Variants in KRT38 observed in about 807,000 individuals in gnomAD.
KRT38 encodes the protein keratin 38.
KRT38 carries 45 observed loss-of-function variants against 43.1 expected under a neutral mutation model. The ratio of observed to expected loss-of-function variants is 1.04; its 90% confidence interval spans 0.82 to 1.34. The LOEUF (loss-of-function observed/expected upper bound fraction) is 1.34, where lower values mean the gene tolerates loss of function less well. KRT38 is among the 40% of genes most tolerant of loss of function. The pLI, the probability that KRT38 is intolerant of heterozygous loss-of-function variation, is 0.00. For missense variants in KRT38, 627 were observed against 586.2 expected, an observed-to-expected ratio of 1.07 and a Z score of -0.72; for synonymous variants, 258 against 244.0, an observed-to-expected ratio of 1.06 and a Z score of -0.53.
rs1351011888 is a variant in KRT38 at position 41,436,774 on chromosome 17, G to A, written c.*638C>T. 2.0e-5 allele frequency: 3 copies of A among 152,222 alleles called. No individual in the cohort carries two copies. Among genetic ancestry groups the A allele is most frequent in the Non-Finnish European group, 4.4e-5 (3 of 68,038 alleles). The allele number at this position is 152,222 out of a possible 1,614,324, so 9.4% of individuals were successfully genotyped here. A position where few individuals can be genotyped will look rare whatever the true frequency, so the allele number is the denominator to read the frequency against. ...AAGAAGCTATGGAAGCCATATGTAA[G>A]AGGCTGTGTTGCCACAGAAAAGGCA... On this transcript the variant is annotated 3_prime_UTR_variant, in exon 7 of 7. Transcript: ENST00000246646.
Position 41,439,310 on chromosome 17 carries a change from C to A in KRT38, c.625G>T (p.Gly209Trp). 6.2e-7 allele frequency: 1 copy of A among 1,614,212 alleles called. No homozygotes were observed. Among genetic ancestry groups the A allele is most frequent in the Non-Finnish European group, 8.5e-7 (1 of 1,180,048 alleles). Residue 209 changes from glycine to tryptophan, a missense_variant, in exon 3 of 7, where the codon GGG becomes TGG. Gly to Trp is a radical substitution (Grantham distance 184). Coordinates refer to ENST00000246646, the MANE Select transcript of KRT38 (RefSeq NM_006771.4). Reference protein sequence around the residue: ...LRQLVEADKCGTQKLLDDATL... With the variant: ...LRQLVEADKCWTQKLLDDATL... Reference sequence around the variant, plus strand: ...GCATCATCCAGGAGCTTCTGTGTCCCACACTTGTCTGCCTCCACCAGCTGG... The same window carrying A: ...GCATCATCCAGGAGCTTCTGTGTCCAACACTTGTCTGCCTCCACCAGCTGG...
Position 41,440,618 on chromosome 17 carries a change from CA to C in KRT38, c.303del (p.Asn101LysfsTer11). ...AACTGCATGGTCTCCTTCTCATGGC[CA>C]TTCAGGGTGTTTTCACCATAGGCCC... ...ICGAYGENTL[N>X]GHEKETMQFL... On this transcript the variant is annotated frameshift_variant, in exon 1 of 7. Transcript: ENST00000246646. LOFTEE classifies it high-confidence loss of function. 1 of 1,614,188 alleles carries C rather than the reference CA, an allele frequency of 6.2e-7. No individual in the cohort carries two copies. The highest frequency in any genetic ancestry group is 1.1e-5 in the South Asian group (1 of 91,084).
chr17:41,440,937 C>T lies in KRT38; in HGVS notation c.-16G>A, dbSNP rs2018795264. 2 of 1,517,852 alleles carry T rather than the reference C, an allele frequency of 1.3e-6. No homozygotes were observed. Among genetic ancestry groups the T allele is most frequent in the Admixed American group, 4.5e-5 (2 of 44,684 alleles). 94.0% of individuals were successfully genotyped at this position (1,517,852 alleles called of 1,614,324 possible). On this transcript the variant is annotated 5_prime_UTR_variant, in exon 1 of 7. Coordinates refer to ENST00000246646, the MANE Select transcript of KRT38 (RefSeq NM_006771.4). ...AAGAGGTCATGGTGTTGGGCTGAGG[C>T]TGCACAGGAGCTTCAGATCAGCTGG...
At chr17:41,439,705 G>A (rs2018773947) in intron 2 of KRT38, among the ~76,000 whole-genome samples, 1 of 152,130 alleles carries the variant, frequency 6.6e-6, no homozygotes, top group African/African-American at 2.4e-5. Flanking sequence ...CAATAACCAG[G>A]TGCCTGATCG....
Position 41,437,556 on chromosome 17 carries a change from G to T in KRT38, c.1242-15C>A, listed in dbSNP as rs1301324229. The stretch of plus-strand genomic sequence containing the variant: ...TGCAGGGGAGTCTGCAGAGAGACAA[G>T]GTGAGGGAAGTGAGAGGCAAGAAAT... On this transcript the variant is annotated splice_polypyrimidine_tract_variant and intron_variant, in intron 6 of 6. Coordinates refer to ENST00000246646, the MANE Select transcript of KRT38 (RefSeq NM_006771.4). 37 of 1,554,794 alleles carry T rather than the reference G, an allele frequency of 2.4e-5. No individual in the cohort carries two copies. The highest frequency in any genetic ancestry group is 3.1e-5 in the Non-Finnish European group (36 of 1,159,462).
In KRT38 at chr17:41,440,235, G is replaced by A. The variant is rs1597733339; in HGVS notation, c.501C>T (p.Cys167=). 3.1e-6 allele frequency: 5 copies of A among 1,614,178 alleles called. No individual in the cohort carries two copies. The highest frequency in any genetic ancestry group is 2.2e-5 in the East Asian group (1 of 44,884). The part of the protein sequence containing the change: ...TIEELQQKIL[C]SKAENARLIV... Reference sequence around the variant, plus strand: ...TCAGCCTGGCATTCTCGGCCTTGCTGCACAGGATCTGAGGAGAACAGGAAG... The same window carrying A: ...TCAGCCTGGCATTCTCGGCCTTGCTACACAGGATCTGAGGAGAACAGGAAG... The change falls in exon 2 of 7, where the codon TGC becomes TGT. Residue 167 remains cysteine, a synonymous_variant. Coordinates refer to ENST00000246646, the MANE Select transcript of KRT38 (RefSeq NM_006771.4).
intron 2 of KRT38, 132 bp downstream of exon 2, chr17:41,440,029 T>C (rs1166123123): frequency 9.5e-6 from 7 of 738,422 alleles, no homozygotes; most frequent in East Asian, 2.7e-5. Context: ...TCAGCTTCGA[T>C]TGTAATGAAA....
rs143250758 is a variant in KRT38 at position 41,438,594 on chromosome 17, T to G, written c.917A>C (p.Asp306Ala). 8.7e-4 allele frequency: 1,412 copies of G among 1,614,048 alleles called. 3 individuals are homozygous for G. Among genetic ancestry groups the G allele is most frequent in the South Asian group, 1.8e-3 (163 of 91,070 alleles). The stretch of plus-strand genomic sequence containing the variant: ...CTGCAGCTCCTCGGAGCAGGACATG[T>G]CCTGCAGGCTGATGCCTTCAGACTG... ...QAQSEGISLQ[D>A]MSCSEELQCC... The change falls in exon 5 of 7, where the codon GAC (aspartate) becomes GCC (alanine). Residue 306 changes from aspartate (D) to alanine (A), a missense_variant. Physicochemically the swap from Asp to Ala is moderately radical, Grantham distance 126 (BLOSUM62 -2). Coordinates refer to ENST00000246646, the MANE Select transcript of KRT38 (RefSeq NM_006771.4).
At chr17:41,440,374 C>T in intron 1 of KRT38, 56 bp downstream of exon 1, 1 of 1,600,032 alleles carries the variant, frequency 6.2e-7, no homozygotes, top group Non-Finnish European at 8.5e-7. Context: ...ATGGATTCCT[C>T]CTGTCTTGCC....
At position 41,440,553 on chromosome 17, in the gene KRT38, G is replaced by C; in HGVS notation, c.369C>G (p.Arg123=). 1 of 1,614,242 alleles carries C rather than the reference G, an allele frequency of 6.2e-7. No homozygotes were observed. Among genetic ancestry groups the C allele is most frequent in the East Asian group, 2.2e-5 (1 of 44,882 alleles). The change falls in exon 1 of 7, where the codon CGC becomes CGG. Residue 123 remains arginine (R), a synonymous_variant. Coordinates refer to ENST00000246646, the MANE Select transcript of KRT38 (RefSeq NM_006771.4). The part of the protein sequence containing the change: ...DRLANYLEKV[R]QLEQENAELE... ...GCTCCGCATTCTCCTGCTCCAGCTG[G>C]CGCACCTTCTCCAGGTAGTTGGCCA...
At position 41,438,690 on chromosome 17, in the gene KRT38, C is replaced by A. The variant is rs559745940; in HGVS notation, c.894+7G>T. ...GTACCCCCTGGTTCTATACCCCCCC[C>A]ACTCACCTGGGCTTGGAACCACTGT... On this transcript the variant is annotated splice_region_variant and intron_variant, in intron 4 of 6. Transcript: ENST00000246646. 292 of 1,599,352 alleles carry A rather than the reference C, an allele frequency of 1.8e-4. 5 individuals are homozygous for A. In the South Asian group the frequency reaches 2.7e-3, roughly 15 times the overall value.
At chr17:41,438,883 C>G (rs1277374185) in intron 3 of KRT38, 25 bp from the exon 4 acceptor site, 26 of 1,611,898 alleles carry the variant, frequency 1.6e-5, no homozygotes, top group Non-Finnish European at 2.2e-5. Context: ...AAGGGACAGA[C>G]AGCCTGCATG....
rs141243647 is a variant in KRT38 at position 41,438,264 on chromosome 17, G to C, written c.1070C>G (p.Thr357Arg). The C allele has an allele frequency of 5.0e-6, 8 of 1,614,120 alleles. No individual in the cohort carries two copies. In the South Asian group the frequency reaches 8.8e-5, roughly 18 times the overall value. The change falls in exon 6 of 7, where the codon ACG (threonine) becomes AGG (arginine). Residue 357 changes from threonine (T) to arginine (R), a missense_variant. Coordinates refer to ENST00000246646, the MANE Select transcript of KRT38 (RefSeq NM_006771.4). ...SLCEAEDRFGTELAQMQSLIS... is the reference protein window; with the variant it reads ...SLCEAEDRFGRELAQMQSLIS... The stretch of plus-strand genomic sequence containing the variant: ...GAGGCTCTGCATCTGGGCCAGCTCC[G>C]TGCCGAAGCGGTCCTCGGCTTCACA...
rs760012734 is a variant in KRT38, at chr17:41,438,534, G to A, written c.977C>T (p.Thr326Met). Residue 326 changes from threonine to methionine, a missense_variant, in exon 5 of 7, where the codon ACG becomes ATG. Physicochemically the swap from Thr to Met is moderately conservative, Grantham distance 81. Coordinates refer to ENST00000246646, the MANE Select transcript of KRT38 (RefSeq NM_006771.4). The stretch of plus-strand genomic sequence containing the variant: ...GCGCTCCACCTCCAGGGCATTCACC[G>A]TGCATCTCAGCTCCAGGATCTCCGA... Reference protein sequence around the residue: ...CQSEILELRCTVNALEVERQA... With the variant: ...CQSEILELRCMVNALEVERQA... 70 of 1,614,158 alleles carry A rather than the reference G, an allele frequency of 4.3e-5. 1 individual carries two copies. In the Admixed American group the frequency reaches 5.3e-4, roughly 12 times the overall value.
Position 41,437,105 on chromosome 17 carries a change from A to G in KRT38, c.*307T>C. 3.7e-6 allele frequency: 1 copy of G among 272,964 alleles called. No homozygotes were observed. The highest frequency in any genetic ancestry group is 6.8e-6 in the Non-Finnish European group (1 of 146,746). The allele number at this position is 272,964 out of a possible 1,614,324, so 16.9% of individuals were successfully genotyped here. A position where few individuals can be genotyped will look rare whatever the true frequency, so the allele number is the denominator to read the frequency against. ...TTAAAGTTGGTGTTCTTGAAGTGCA[A>G]GTGCAATTTTAAATCATGCCGTGTT... On this transcript the variant is annotated 3_prime_UTR_variant, in exon 7 of 7. Coordinates refer to ENST00000246646, the MANE Select transcript of KRT38 (RefSeq NM_006771.4).
In KRT38 at chr17:41,440,880, G is replaced by C. The variant is rs1243837565; in HGVS notation, c.42C>G (p.Cys14Trp). The change falls in exon 1 of 7, where the codon TGC (cysteine) becomes TGG (tryptophan). Residue 14 changes from cysteine to tryptophan, a missense_variant. Coordinates refer to ENST00000246646, the MANE Select transcript of KRT38 (RefSeq NM_006771.4). ...CATTTCTTGCTCCAGGAGCCATGGTGCAACCCAGAGGGCATGAGGAGCTGC... is the reference window on the plus strand; with the variant it reads ...CATTTCTTGCTCCAGGAGCCATGGTCCAACCCAGAGGGCATGAGGAGCTGC... ...SYSSSSCPLG[C>W]TMAPGARNVS... 6.4e-7 allele frequency: 1 copy of C among 1,570,376 alleles called. No individual in the cohort carries two copies. Among genetic ancestry groups the C allele is most frequent in the Non-Finnish European group, 8.6e-7 (1 of 1,159,006 alleles).
At position 41,438,183 on chromosome 17, in the gene KRT38, T is replaced by G; in HGVS notation, c.1151A>C (p.Asn384Thr). 1 of 1,614,126 alleles carries G rather than the reference T, an allele frequency of 6.2e-7. No homozygotes were observed. The highest frequency in any genetic ancestry group is 1.1e-5 in the South Asian group (1 of 91,074). Residue 384 changes from asparagine to threonine, a missense_variant, in exon 6 of 7, where the codon AAC becomes ACC. Coordinates refer to ENST00000246646, the MANE Select transcript of KRT38 (RefSeq NM_006771.4). ...SEIRADLERQ[N>T]QEYQVLLDVK... is the part of the protein sequence containing the mutation. ...GTCCAGCAGCACCTGGTACTCCTGGTTTTGCCGCTCCAGGTCGGCCCGGAT... is the reference window on the plus strand; with the variant it reads ...GTCCAGCAGCACCTGGTACTCCTGGGTTTGCCGCTCCAGGTCGGCCCGGAT...
chr17:41,440,678 T>A lies in KRT38; in HGVS notation c.244A>T (p.Thr82Ser). Residue 82 changes from threonine (T) to serine (S), a missense_variant, in exon 1 of 7, where the codon ACC (threonine) becomes TCC (serine). Transcript: ENST00000246646. ...CCAATGTTGCCAGGAATGTGGCAGG[T>A]CCCTGGCAAGGGACAAGCAGTGTGG... is the stretch of plus-strand genomic sequence containing the variant. ...TCHTACPLPGTCHIPGNIGIC... is the reference protein window; with the variant it reads ...TCHTACPLPGSCHIPGNIGIC... 6.2e-7 allele frequency: 1 copy of A among 1,613,986 alleles called. No homozygotes were observed. The highest frequency in any genetic ancestry group is 2.2e-5 in the East Asian group (1 of 44,872).
Position 41,440,450 on chromosome 17 carries a change from T to A in KRT38, c.472A>T (p.Ile158Phe). 2 of 1,614,062 alleles carry A rather than the reference T, an allele frequency of 1.2e-6. No individual in the cohort carries two copies. The highest frequency in any genetic ancestry group is 1.7e-6 in the Non-Finnish European group (2 of 1,179,900). The change falls in exon 1 of 7, where the codon ATC becomes TTC. Residue 158 changes from isoleucine to phenylalanine, a missense_variant. Ile to Phe is a conservative substitution (Grantham distance 21). Transcript: ENST00000246646. ...CTCACCTTCTGTTGGAGCTCCTCGA[T>A]GGTGTGGAAGTAAGACTGGTAGTCG... ...CPDYQSYFHTIEELQQKILCS... is the reference protein window; with the variant it reads ...CPDYQSYFHTFEELQQKILCS...
Sources: allele counts gnomAD v4.1 joint callset (sites outside exome capture counted in the v4.1 genomes callset), GRCh38; gene constraint gnomAD v4.1.1; transcripts MANE v1.5; gene names NCBI Gene and HGNC (gene_info 2026-07-23, HGNC 2026-07-21).